Variants in SFSWAP observed in about 807,000 individuals in gnomAD.
SFSWAP encodes splicing factor, suppressor of white-apricot homolog.
Under a neutral mutation model 100.7 loss-of-function variants are expected in SFSWAP, and 17 were observed. The observed-to-expected ratio is 0.17, with a 90% confidence interval of 0.12 to 0.25. The LOEUF is 0.25. Ranked by LOEUF, SFSWAP falls within the 10% of genes least tolerant of loss-of-function variation. The pLI, the probability that SFSWAP is intolerant of heterozygous loss-of-function variation, is 1.00. For missense variants in SFSWAP, 1,005 were observed against 1,262.6 expected, an observed-to-expected ratio of 0.80 and a Z score of 3.09; for synonymous variants, 504 against 510.1, an observed-to-expected ratio of 0.99 and a Z score of 0.16.
In SFSWAP at chr12:131,740,943, A is replaced by ATTTCTTTTTT. The variant is rs1256188496; in HGVS notation, c.1082-12167_1082-12158dup. Among the ~76,000 whole-genome samples the ATTTCTTTTTT allele has an allele frequency of 1.6e-3, 120 of 75,074 alleles. 1 individual carries two copies. Among genetic ancestry groups the ATTTCTTTTTT allele is most frequent in the Middle Eastern group, 8.3e-3 (1 of 120 alleles). 49.3% of individuals were successfully genotyped at this position (75,074 alleles called of 152,430 possible). On this transcript the variant is annotated intron_variant, in intron 7 of 17. Coordinates refer to ENST00000261674, the MANE Select transcript of SFSWAP (RefSeq NM_004592.4). ...TTAATTGATGGATACGAGGCTTTTC[A>ATTTCTTTTTT]TTTCTTTTTTTTTCTTTTTTTTCTT...
intron 14 of SFSWAP, chr12:131,785,208 A>G (rs1884804418): frequency 6.5e-7 from 1 of 1,535,316 alleles, no homozygotes; most frequent in South Asian, 1.2e-5. Context: ...CTTTTGAGGG[A>G]AAACCTGGTA....
At chr12:131,723,409 A>G (rs984236232) in intron 4 of SFSWAP, 11 of 152,240 alleles carry the variant, frequency 7.2e-5, no homozygotes, top group African/African-American at 2.2e-4. Context: ...TTATGGCTTC[A>G]GAATTTTAAA....
chr12:131,785,559 G>A (rs1884832390), intron 14 of SFSWAP: 1 of 218,086 alleles, frequency 4.6e-6, no homozygotes, highest in African/African-American at 2.3e-5. Flanking sequence ...TCCCAAAATA[G>A]TAGCTTTACT....
chr12:131,747,780 G>A (rs1881274061), intron 7 of SFSWAP, among the ~76,000 whole-genome samples: 1 of 152,186 alleles, frequency 6.6e-6, no homozygotes, highest in Non-Finnish European at 1.5e-5. Flanking sequence ...GCTCTGTTCT[G>A]GACACATTCG....
rs1259118954 is a variant in SFSWAP at position 131,711,670 on chromosome 12, C to G, written c.218+223C>G. 1.8e-6 allele frequency: 1 copy of G among 548,038 alleles called. No homozygotes were observed. The highest frequency in any genetic ancestry group is 3.3e-6 in the Non-Finnish European group (1 of 305,658). 33.9% of individuals were successfully genotyped at this position (548,038 alleles called of 1,614,324 possible). A position where few individuals can be genotyped will look rare whatever the true frequency, so the allele number is the denominator to read the frequency against. On this transcript the variant is annotated intron_variant, in intron 1 of 17. Coordinates refer to ENST00000261674, the MANE Select transcript of SFSWAP (RefSeq NM_004592.4). This position sits in a 1 kb window ranked among gnomAD's most constrained non-coding sequence, Gnocchi z 4.9. ...TGGAATTGCGTGCCGCGTCCGTCTC[C>G]GGAGGGATCGTCTCTGGTCCCGCAG...
intron 15 of SFSWAP, among the ~76,000 whole-genome samples, chr12:131,793,033 G>C (rs1005149888): frequency 9.9e-5 from 15 of 152,198 alleles, no homozygotes; most frequent in Admixed American, 7.9e-4. Context: ...CATACCCAAA[G>C]GGCAGGGGGC....
intron 15 of SFSWAP, among the ~76,000 whole-genome samples, chr12:131,791,281 C>T (rs182641667): frequency 1.4e-4 from 21 of 152,016 alleles, no homozygotes; most frequent in African/African-American, 4.8e-4. Context: ...CCCAGCTACT[C>T]GGGAGGCTGA....
At chr12:131,739,419 T>G (rs962103282) in intron 7 of SFSWAP, among the ~76,000 whole-genome samples, 21 of 151,822 alleles carry the variant, frequency 1.4e-4, no homozygotes, top group Non-Finnish European at 2.9e-4. Flanking sequence ...TATTTAAGAG[T>G]GAGTAGGACA....
intron 3 of SFSWAP, among the ~76,000 whole-genome samples, chr12:131,715,493 C>T (rs1450924764): frequency 6.6e-6 from 1 of 152,228 alleles, no homozygotes; most frequent in Non-Finnish European, 1.5e-5. Flanking sequence ...GGAATTTATG[C>T]TTTTCTGGAT....
intron 7 of SFSWAP, among the ~76,000 whole-genome samples, chr12:131,744,276 C>G (rs1391239989): frequency 6.6e-6 from 1 of 152,190 alleles, no homozygotes; most frequent in African/African-American, 2.4e-5. Flanking sequence ...TTTTCCAGAC[C>G]TTTATGCTGT....
rs778677109 is a variant in SFSWAP at position 131,756,619 on chromosome 12, C to T, written c.1695C>T (p.Thr565=). 3.2e-5 allele frequency: 52 copies of T among 1,600,928 alleles called. No individual in the cohort carries two copies. The highest frequency in any genetic ancestry group is 4.2e-5 in the Non-Finnish European group (49 of 1,174,738). The part of the protein sequence containing the change: ...GGKKEASSSK[T]VPDGKLVKAS... Reference sequence around the variant, plus strand: ...AGAAGGAGGCATCGTCCAGTAAGACCGTCCCGGACGGGAAGCTGGTGAAAG... The same window carrying T: ...AGAAGGAGGCATCGTCCAGTAAGACTGTCCCGGACGGGAAGCTGGTGAAAG... Residue 565 remains threonine (T), a synonymous_variant, in exon 11 of 18, where the codon ACC becomes ACT. Transcript: ENST00000261674.
chr12:131,754,288 C>T lies in SFSWAP; in HGVS notation c.1323-80C>T, dbSNP rs180807233. 931 of 1,133,016 alleles carry T rather than the reference C, an allele frequency of 8.2e-4. 6 individuals are homozygous for T. In the East Asian group the frequency reaches 0.019, roughly 23 times the overall value. The allele number at this position is 1,133,016 out of a possible 1,614,324, so 70.2% of individuals were successfully genotyped here. ...CACATGTCTCTCCGGGCATCTGAGG[C>T]GGTGAGGACCCCCGAGCAGCCAGGA... is the stretch of plus-strand genomic sequence containing the variant. On this transcript the variant is annotated intron_variant, in intron 8 of 17. Coordinates refer to ENST00000261674, the MANE Select transcript of SFSWAP (RefSeq NM_004592.4).
chr12:131,746,984 G>A (rs1295648096), intron 7 of SFSWAP, among the ~76,000 whole-genome samples: 1 of 151,878 alleles, frequency 6.6e-6, no homozygotes, highest in Non-Finnish European at 1.5e-5. Flanking sequence ...GGTGCCTGTA[G>A]TCCCAGCTAC....
At chr12:131,750,859 AT>A (rs1881555851) in intron 7 of SFSWAP, among the ~76,000 whole-genome samples, 1 of 150,842 alleles carries the variant, frequency 6.6e-6, no homozygotes, top group Non-Finnish European at 1.5e-5. Context: ...CAGCTAGTTT[AT>A]TTTATTTTAT....
chr12:131,732,378 G>A (rs1475609873), intron 7 of SFSWAP, among the ~76,000 whole-genome samples: 2 of 152,206 alleles, frequency 1.3e-5, no homozygotes, highest in African/African-American at 4.8e-5. Flanking sequence ...CTGTTGTGAG[G>A]ACGTCGCTGA....
chr12:131,786,360 C>G, intron 14 of SFSWAP, 103 bp from the exon 15 acceptor site: 1 of 1,388,130 alleles, frequency 7.2e-7, no homozygotes. Context: ...CCCTGAGGAG[C>G]AGCCTCTGCA....
intron 14 of SFSWAP, among the ~76,000 whole-genome samples, chr12:131,779,436 T>G (rs1884322783): frequency 6.6e-6 from 1 of 152,126 alleles, no homozygotes; most frequent in Non-Finnish European, 1.5e-5. Flanking sequence ...ATTAAAAATG[T>G]AAAAACATTT....
At chr12:131,769,880 C>T (rs1364382130) in intron 13 of SFSWAP, among the ~76,000 whole-genome samples, 1 of 152,140 alleles carries the variant, frequency 6.6e-6, no homozygotes, top group Non-Finnish European at 1.5e-5. Context: ...CACGTACCCT[C>T]TCACCTCTCC....
At chr12:131,716,105 C>T (rs930533420) in intron 3 of SFSWAP, among the ~76,000 whole-genome samples, 2 of 152,198 alleles carry the variant, frequency 1.3e-5, no homozygotes, top group Non-Finnish European at 2.9e-5. Flanking sequence ...TTCTACCCAT[C>T]GGCACTCTCC....
Sources: gnomAD v4.1 joint callset for allele counts (sites outside exome capture counted in the v4.1 genomes callset) on GRCh38, gnomAD v4.1.1 for gene constraint, Gnocchi (gnomAD v3.1) non-coding constraint, MANE v1.5 for transcripts, NCBI Gene and HGNC (gene_info 2026-07-23, HGNC 2026-07-21) for gene names.